DYNC2LI1: variants seen among roughly 807,000 people sequenced by gnomAD.
DYNC2LI1 encodes dynein cytoplasmic 2 light intermediate chain 1.
DYNC2LI1 carries 45 observed loss-of-function variants against 51.9 expected under a neutral mutation model. The ratio of observed to expected loss-of-function variants is 0.87; its 90% CI spans 0.68 to 1.11. The LOEUF is 1.11. Among genes scored for constraint, DYNC2LI1 ranks in the 50% most tolerant of loss-of-function variants. The pLI, the probability that DYNC2LI1 is intolerant of heterozygous loss-of-function variation, is 0.00. For missense variants in DYNC2LI1, 490 were observed against 417.4 expected (o/e 1.17, Z -1.51); for synonymous variants, 130 against 137.8 (o/e 0.94, Z 0.40).
Position 43,805,236 on chromosome 2 carries a change from A to G in DYNC2LI1, c.983A>G (p.Gln328Arg). ...AATGAAGTCGATGAGATGAGAATTC[A>G]GAAGGATCTGGTATTATCCTAAACA... ...AENEVDEMRI[Q>R]KDLELEQYKR... The change falls in exon 12 of 13, where the codon CAG becomes CGG. Residue 328 changes from glutamine (Q) to arginine (R), a missense_variant. By Grantham distance (43) the Gln-to-Arg change is conservative. Coordinates refer to ENST00000260605, the MANE Select transcript of DYNC2LI1 (RefSeq NM_016008.4). 6.2e-7 allele frequency: 1 copy of G among 1,603,008 alleles called. No individual in the cohort carries two copies. Among genetic ancestry groups the G allele is most frequent in the East Asian group, 2.2e-5 (1 of 44,762 alleles).
chr2:43,782,695 C>G (rs1050160031), intron 2 of DYNC2LI1, among the ~76,000 whole-genome samples: 23 of 151,936 alleles, frequency 1.5e-4, no homozygotes, highest in Admixed American at 3.9e-4. Context: ...TAAAAAGAAA[C>G]TTGGGGTTGG....
At chr2:43,828,164 A>G in the DYNC2LI1 span, 2 of 1,612,110 alleles carry the variant, frequency 1.2e-6, no homozygotes, top group Admixed American at 1.7e-5. Flanking sequence ...TGTGGCTGCT[A>G]TTTCAATTCA....
At chr2:43,823,051 G>A in the DYNC2LI1 span, 8 of 1,420,120 alleles carry the variant, frequency 5.6e-6, no homozygotes, top group Non-Finnish European at 6.8e-6. Flanking sequence ...CCAGCTAGGG[G>A]GGTTCCCTAG....
chr2:43,785,627 G>T (rs532342515), intron 3 of DYNC2LI1, among the ~76,000 whole-genome samples: 1 of 152,162 alleles, frequency 6.6e-6, no homozygotes, highest in African/African-American at 2.4e-5. Context: ...CCAGGTCCTT[G>T]GGAGGCTGAG....
the DYNC2LI1 span, chr2:43,825,062 G>A: frequency 6.2e-7 from 1 of 1,607,830 alleles, no homozygotes; most frequent in Non-Finnish European, 8.5e-7. Flanking sequence ...CACAAGGGTA[G>A]CGATGCACTT....
At chr2:43,825,080 C>G in the DYNC2LI1 span, 3 of 1,594,982 alleles carry the variant, frequency 1.9e-6, no homozygotes, top group Non-Finnish European at 2.6e-6. Flanking sequence ...CTTTGAATGT[C>G]TCTGGGAACA....
chr2:43,803,365 C>A (rs1395740877), intron 10 of DYNC2LI1, among the ~76,000 whole-genome samples: 1 of 152,182 alleles, frequency 6.6e-6, no homozygotes, highest in Non-Finnish European at 1.5e-5. Context: ...AATTGATACA[C>A]ACAGACTGGA....
chr2:43,791,328 C>T (rs1192971556), intron 5 of DYNC2LI1, among the ~76,000 whole-genome samples: 1 of 152,096 alleles, frequency 6.6e-6, no homozygotes, highest in Non-Finnish European at 1.5e-5. Flanking sequence ...GGTTGGGAGT[C>T]GCCTCCTATT....
In DYNC2LI1 at chr2:43,787,480, AC is replaced by A. The variant is rs1473626791; in HGVS notation, c.231+232del. ...ATGTCTTAAAATGCTAGAATAAGAT[AC>A]CTTTTTAACTTTATTGTACAGTTCA... is the stretch of plus-strand genomic sequence containing the variant. On this transcript the variant is annotated intron_variant, in intron 4 of 12. Coordinates refer to ENST00000260605, the MANE Select transcript of DYNC2LI1 (RefSeq NM_016008.4). 2.0e-5 allele frequency among the ~76,000 whole-genome samples: 3 copies of A among 152,274 alleles called. No homozygotes were observed. The East Asian group carries it at 5.8e-4, about 29-fold the overall frequency.
At position 43,777,095 on chromosome 2, in the gene DYNC2LI1, A is replaced by T. The variant is rs543199825; in HGVS notation, c.126+196A>T. On this transcript the variant is annotated intron_variant, in intron 2 of 12. Coordinates refer to ENST00000260605, the MANE Select transcript of DYNC2LI1 (RefSeq NM_016008.4). ...AACAAAATTTTAGAAAAATATATTT[A>T]AACTATTTTTTATTTCATGATTTGA... is the stretch of plus-strand genomic sequence containing the variant. Among the ~76,000 whole-genome samples the T allele has an allele frequency of 8.5e-4, 130 of 152,330 alleles. 2 individuals are homozygous for T. The Middle Eastern group carries it at 0.024, about 28-fold the overall frequency.
In DYNC2LI1 at chr2:43,789,630, C is replaced by T. The variant is rs779882438; in HGVS notation, c.232-3C>T. On this transcript the variant is annotated splice_region_variant and splice_polypyrimidine_tract_variant and intron_variant, in intron 4 of 12. Coordinates refer to ENST00000260605, the MANE Select transcript of DYNC2LI1 (RefSeq NM_016008.4). ...CAAAAAATCAAAAATTTTTGTTTTT[C>T]AGCCAAAAGATATCGCTCACTTTTG... The T allele has an allele frequency of 1.9e-6, 3 of 1,611,182 alleles. No individual in the cohort carries two copies. The highest frequency in any genetic ancestry group is 1.3e-5 in the African/African-American group (1 of 74,772).
At chr2:43,816,199 AAAT>A in the DYNC2LI1 span, among the ~76,000 whole-genome samples, 1 of 152,232 alleles carries the variant, frequency 6.6e-6, no homozygotes, top group Non-Finnish European at 1.5e-5. Flanking sequence ...TTCACTCAAC[AAAT>A]AATGTTTGCA....
rs899062426 is a variant in DYNC2LI1, at chr2:43,798,264, A to G, written c.654+1469A>G. On this transcript the variant is annotated intron_variant, in intron 8 of 12. Transcript: ENST00000260605. ...TTTAACTGAAAGTAATATGTACAAA[A>G]TATGTATTGTCAGTTTTTATACCTT... is the stretch of plus-strand genomic sequence containing the variant. Among the ~76,000 whole-genome samples, 36 of 152,188 alleles carry G rather than the reference A, an allele frequency of 2.4e-4. 1 individual carries two copies. The highest frequency in any genetic ancestry group is 8.7e-4 in the African/African-American group (36 of 41,444).
chr2:43,803,540 G>A (rs925419825), intron 10 of DYNC2LI1, among the ~76,000 whole-genome samples: 1 of 152,188 alleles, frequency 6.6e-6, no homozygotes, highest in Non-Finnish European at 1.5e-5. Context: ...GGGAGACCAG[G>A]GGAGGGGTCG....
intron 2 of DYNC2LI1, 39 bp downstream of exon 2, chr2:43,776,938 C>A: frequency 9.6e-7 from 1 of 1,045,920 alleles, no homozygotes; most frequent in South Asian, 1.4e-5. Context: ...GATGATTTAA[C>A]AACCATTGGT....
At chr2:43,805,724 C>G (rs1447472166) in intron 12 of DYNC2LI1, among the ~76,000 whole-genome samples, 1 of 152,098 alleles carries the variant, frequency 6.6e-6, no homozygotes, top group African/African-American at 2.4e-5. Context: ...ACAGACATAC[C>G]TGACATAACC....
chr2:43,816,449 A>T, the DYNC2LI1 span, among the ~76,000 whole-genome samples: 1 of 152,196 alleles, frequency 6.6e-6, no homozygotes, highest in South Asian at 2.1e-4. Flanking sequence ...AGAGAAATGG[A>T]TCAGTGAAAG....
In DYNC2LI1 at chr2:43,796,705, C is replaced by T. The variant is rs745702486; in HGVS notation, c.577-13C>T. 4.4e-6 allele frequency: 7 copies of T among 1,595,282 alleles called. No individual in the cohort carries two copies. Among genetic ancestry groups the T allele is most frequent in the Non-Finnish European group, 5.2e-6 (6 of 1,163,976 alleles). ...TGGTTATCTTGACTTTTTAAAATAACATATTTCTACAGGATTTTGAGTCTG... is the reference window on the plus strand; with the variant it reads ...TGGTTATCTTGACTTTTTAAAATAATATATTTCTACAGGATTTTGAGTCTG... On this transcript the variant is annotated splice_polypyrimidine_tract_variant and intron_variant, in intron 7 of 12. Coordinates refer to ENST00000260605, the MANE Select transcript of DYNC2LI1 (RefSeq NM_016008.4).
the DYNC2LI1 span, among the ~76,000 whole-genome samples, chr2:43,823,522 A>G: frequency 6.6e-6 from 1 of 152,166 alleles, no homozygotes; most frequent in African/African-American, 2.4e-5. Context: ...TTTGAAAATT[A>G]GGTGCTGGCT....
Sources: allele counts gnomAD v4.1 joint callset (sites outside exome capture counted in the v4.1 genomes callset), GRCh38; gene constraint gnomAD v4.1.1; transcripts MANE v1.5; gene names NCBI Gene and HGNC (gene_info 2026-07-23, HGNC 2026-07-21).